PCDH11X: variants seen among roughly 807,000 people sequenced by gnomAD.
The protein encoded by PCDH11X is protocadherin-11 X-linked.
A neutral mutation model predicts 53.3 loss-of-function variants in PCDH11X; 18 were observed. The ratio of observed to expected loss-of-function variants is 0.34; its 90% CI spans 0.23 to 0.50. The LOEUF is 0.50. PCDH11X is among the 20% of genes least tolerant of loss of function. The pLI is 0.98. For synonymous variants in PCDH11X, 279 were observed against 393.3 expected (o/e 0.71, Z 3.44); for missense variants, 570 against 1,032.4 (o/e 0.55, Z 6.14).
At chrX:92,367,225 T>C (rs1382181026) in intron 8 of PCDH11X, among the ~76,000 whole-genome samples, 1 of 111,925 alleles carries the variant, frequency 8.9e-6, no homozygotes, top group Admixed American at 9.5e-5. Flanking sequence ...CTTGTTGCAT[T>C]GATCCCTTTA....
At chrX:92,452,068 A>G (rs186958176) in intron 9 of PCDH11X, among the ~76,000 whole-genome samples, 226 of 109,701 alleles carry the variant, frequency 2.1e-3, no homozygotes, top group East Asian at 7.8e-3. Context: ...CTGTATTTGG[A>G]TATGGATAGA....
At chrX:92,239,033 C>T (rs2067219031) in intron 7 of PCDH11X, among the ~76,000 whole-genome samples, 1 of 111,297 alleles carries the variant, frequency 9.0e-6, no homozygotes, top group Admixed American at 9.6e-5. Context: ...AGTCATTTCA[C>T]TTCATCTTGC....
chrX:92,359,420 C>G (rs1452933975), intron 8 of PCDH11X, among the ~76,000 whole-genome samples: 1 of 107,534 alleles, frequency 9.3e-6, no homozygotes, highest in Non-Finnish European at 1.9e-5. Flanking sequence ...TACATGCACA[C>G]AATGAACAGC....
chrX:91,816,461 A>C (rs780031955), intron 4 of PCDH11X, among the ~76,000 whole-genome samples: 1 of 111,309 alleles, frequency 9.0e-6, no homozygotes, highest in African/African-American at 3.3e-5. Flanking sequence ...TAGTTATTTA[A>C]CTTTTTTCTC....
chrX:92,332,273 A>G (rs2069508572), intron 8 of PCDH11X, among the ~76,000 whole-genome samples: 1 of 112,326 alleles, frequency 8.9e-6, no homozygotes, highest in Non-Finnish European at 1.9e-5. Context: ...CCATTGCATT[A>G]CTTTTGACAA....
At chrX:92,438,266 T>A (rs1363514916) in intron 9 of PCDH11X, among the ~76,000 whole-genome samples, 2 of 111,915 alleles carry the variant, frequency 1.8e-5, no homozygotes, top group Non-Finnish European at 3.8e-5. Context: ...TAAGCACGTA[T>A]TTTAGTAAAC....
At chrX:91,895,692 T>C (rs900961637) in intron 6 of PCDH11X, among the ~76,000 whole-genome samples, 14 of 108,629 alleles carry the variant, frequency 1.3e-4, no homozygotes, top group African/African-American at 4.6e-4. Context: ...AAGATATTTA[T>C]GTAAGTTTGA....
At chrX:92,149,600 A>G (rs1326552062) in intron 6 of PCDH11X, among the ~76,000 whole-genome samples, 1 of 109,700 alleles carries the variant, frequency 9.1e-6, no homozygotes, top group Non-Finnish European at 1.9e-5. Context: ...TTGAAGTGTA[A>G]TTGAAGCACA....
In PCDH11X at chrX:92,618,269, G is replaced by C. The variant is rs149856265; in HGVS notation, c.3373G>C (p.Glu1125Gln). 8 of 1,202,605 alleles carry C rather than the reference G, an allele frequency of 6.7e-6. No homozygotes were observed. The highest frequency in any genetic ancestry group is 9.0e-6 in the Non-Finnish European group (8 of 890,507). ...TFIPGLKKAA[E>Q]ITVQPTVEEA... ...TTTTTTCCTCACCCCAACAGCTGCAGAAATAACTGTTCAACCAACTGTGGA... is the reference window on the plus strand; with the variant it reads ...TTTTTTCCTCACCCCAACAGCTGCACAAATAACTGTTCAACCAACTGTGGA... The change falls in exon 11 of 11, where the codon GAA (glutamate) becomes CAA (glutamine). Residue 1125 changes from glutamate (E) to glutamine (Q), a missense_variant. Physicochemically the swap from Glu to Gln is conservative, Grantham distance 29. Coordinates refer to ENST00000682573, the MANE Select transcript of PCDH11X (RefSeq NM_032968.5).
intron 8 of PCDH11X, among the ~76,000 whole-genome samples, chrX:92,303,189 C>A (rs139342614): frequency 7.0e-3 from 780 of 111,022 alleles, no homozygotes; most frequent in Non-Finnish European, 1.0e-2. Context: ...GTCACTGGAA[C>A]AGATATTACC....
At chrX:92,028,828 A>G (rs898500090) in intron 6 of PCDH11X, among the ~76,000 whole-genome samples, 10 of 111,291 alleles carry the variant, frequency 9.0e-5, no homozygotes, top group African/African-American at 6.5e-5. Flanking sequence ...CCAGGTATAA[A>G]CATTGGTACA....
intron 9 of PCDH11X, among the ~76,000 whole-genome samples, chrX:92,410,950 A>G (rs751106955): frequency 9.1e-6 from 1 of 109,960 alleles, no homozygotes; most frequent in African/African-American, 3.4e-5. Flanking sequence ...GTAAGAAGCA[A>G]AATATATTCA....
intron 6 of PCDH11X, among the ~76,000 whole-genome samples, chrX:92,016,732 A>G (rs1250643858): frequency 1.8e-5 from 2 of 111,682 alleles, no homozygotes; most frequent in Non-Finnish European, 3.8e-5. Flanking sequence ...AACTTTCTCC[A>G]TATTGGCCAT....
intron 4 of PCDH11X, among the ~76,000 whole-genome samples, chrX:91,821,989 T>C (rs1241208731): frequency 1.9e-5 from 2 of 103,786 alleles, no homozygotes; most frequent in East Asian, 5.7e-4. Context: ...TTGATTTGAG[T>C]ATATTGAACC....
chrX:92,505,376 G>A (rs2074040173), intron 10 of PCDH11X, among the ~76,000 whole-genome samples: 1 of 108,858 alleles, frequency 9.2e-6, no homozygotes, highest in African/African-American at 3.3e-5. Context: ...TAATTTTTGT[G>A]TATGGTATAA....
intron 6 of PCDH11X, among the ~76,000 whole-genome samples, chrX:91,932,706 G>A (rs1043651084): frequency 1.8e-4 from 20 of 110,546 alleles, no homozygotes; most frequent in Middle Eastern, 4.8e-3. Flanking sequence ...GTGTGCGCGC[G>A]CGCGCGCCTG....
At chrX:92,317,861 A>G (rs1372585213) in intron 8 of PCDH11X, among the ~76,000 whole-genome samples, 2 of 111,464 alleles carry the variant, frequency 1.8e-5, no homozygotes, top group African/African-American at 6.5e-5. Flanking sequence ...TTACCTTCTC[A>G]GATTACTGTT....
chrX:92,045,541 T>C (rs2759826), intron 6 of PCDH11X, among the ~76,000 whole-genome samples: 2 of 109,384 alleles, frequency 1.8e-5, no homozygotes, highest in Non-Finnish European at 3.8e-5. Context: ...GGTTAATGTA[T>C]GAAACAGAGT....
At chrX:92,554,923 T>C (rs1405265691) in intron 10 of PCDH11X, among the ~76,000 whole-genome samples, 1 of 111,624 alleles carries the variant, frequency 9.0e-6, no homozygotes, top group Admixed American at 9.6e-5. Flanking sequence ...TCTAAGGTTA[T>C]TCTTTGTTTC....
Sources: gnomAD v4.1 joint callset for allele counts (sites outside exome capture counted in the v4.1 genomes callset) on GRCh38, gnomAD v4.1.1 for gene constraint, MANE v1.5 for transcripts, NCBI Gene and HGNC (gene_info 2026-07-23, HGNC 2026-07-21) for gene names.